RASGEF1B: variants seen among roughly 807,000 people sequenced by gnomAD.
RASGEF1B encodes the protein ras-GEF domain-containing family member 1B.
In RASGEF1B, 30 loss-of-function variants were observed where a neutral mutation model predicts 65.7. That is an observed-to-expected ratio of 0.46 (90% confidence interval 0.34 to 0.62). RASGEF1B has a LOEUF of 0.62. RASGEF1B is among the 20% of genes least tolerant of loss of function. The pLI is 0.01. For synonymous variants in RASGEF1B, 175 were observed against 194.8 expected (o/e 0.90, Z 0.85); for missense variants, 495 against 580.1 (o/e 0.85, Z 1.51).
intron 4 of RASGEF1B, chr4:81,456,226 T>C: frequency 4.4e-6 from 2 of 458,974 alleles, no homozygotes; most frequent in East Asian, 3.8e-5. Flanking sequence ...TTTCTATTTA[T>C]GATTTATTAA....
chr4:81,435,333 C>T (rs559622672), intron 10 of RASGEF1B, among the ~76,000 whole-genome samples: 1 of 148,316 alleles, frequency 6.7e-6, no homozygotes, highest in African/African-American at 2.5e-5. Flanking sequence ...ATGGCGTGAA[C>T]CCGGGAAGCG....
chr4:81,433,659 A>T (rs1721511190), intron 12 of RASGEF1B, among the ~76,000 whole-genome samples, 181 bp downstream of exon 12: 1 of 152,234 alleles, frequency 6.6e-6, no homozygotes, highest in Non-Finnish European at 1.5e-5. Context: ...TTTATAGGTG[A>T]ATATTAAGTG....
At chr4:81,432,703 T>A (rs1439364470) in intron 12 of RASGEF1B, among the ~76,000 whole-genome samples, 2 of 150,020 alleles carry the variant, frequency 1.3e-5, no homozygotes, top group African/African-American at 5.1e-5. Flanking sequence ...GGGGTGGGAG[T>A]TCTTTCCTGG....
chr4:81,433,098 G>A (rs904615454), intron 12 of RASGEF1B, among the ~76,000 whole-genome samples: 31 of 151,534 alleles, frequency 2.0e-4, no homozygotes, highest in Admixed American at 5.3e-4. Flanking sequence ...GCATGGTGGT[G>A]CACGCCCGTA....
chr4:81,431,924 CTTCT>C (rs1721444808), intron 13 of RASGEF1B, among the ~76,000 whole-genome samples: 1 of 152,310 alleles, frequency 6.6e-6, no homozygotes, highest in East Asian at 1.9e-4. Context: ...CCTACTAGTA[CTTCT>C]TTCTTTATCT....
chr4:81,447,586 A>G lies in RASGEF1B; in HGVS notation c.655-8T>C. ...AATATAATTGAGCCTCTCCTGAAAC[A>G]CAAACCCAGAAGGTCAACAGTATTA... On this transcript the variant is annotated splice_polypyrimidine_tract_variant and splice_region_variant and intron_variant, in intron 5 of 13. Coordinates refer to ENST00000264400, the MANE Select transcript of RASGEF1B (RefSeq NM_152545.3). The G allele has an allele frequency of 6.2e-7, 1 of 1,612,038 alleles. No individual in the cohort carries two copies. Among genetic ancestry groups the G allele is most frequent in the Non-Finnish European group, 8.5e-7 (1 of 1,178,136 alleles).
intron 1 of RASGEF1B, among the ~76,000 whole-genome samples, chr4:81,467,129 A>C (rs1722867892): frequency 6.6e-6 from 1 of 151,792 alleles, no homozygotes; most frequent in Non-Finnish European, 1.5e-5. Flanking sequence ...GGAAAAAAAA[A>C]TCAGTATTTT....
At chr4:81,437,509 C>G (rs1349496072) in intron 10 of RASGEF1B, among the ~76,000 whole-genome samples, 3 of 152,122 alleles carry the variant, frequency 2.0e-5, no homozygotes, top group African/African-American at 7.2e-5. Flanking sequence ...TTTTTGTGCT[C>G]TATTCTTTGG....
chr4:81,456,419 T>G, intron 4 of RASGEF1B: 1 of 638,814 alleles, frequency 1.6e-6, no homozygotes. Context: ...TGAGTTGACA[T>G]GAACATAGCC....
At chr4:81,459,651 G>T in intron 1 of RASGEF1B, 137 bp from the exon 2 acceptor site, 1 of 687,972 alleles carries the variant, frequency 1.5e-6, no homozygotes, top group Non-Finnish European at 2.3e-6. Context: ...TTCTGACACA[G>T]AATCAGAGCC....
chr4:81,456,237 TCTA>T (rs1722436017), intron 4 of RASGEF1B: 3 of 481,350 alleles, frequency 6.2e-6, no homozygotes, highest in Admixed American at 3.9e-5. Flanking sequence ...GATTTATTAA[TCTA>T]CTATTTATCC....
intron 1 of RASGEF1B, among the ~76,000 whole-genome samples, chr4:81,470,843 A>C (rs2110003818): frequency 6.6e-6 from 1 of 152,142 alleles, no homozygotes; most frequent in South Asian, 2.1e-4. Context: ...AACTGCGCCG[A>C]TTTGGTTGGG....
intron 13 of RASGEF1B, among the ~76,000 whole-genome samples, chr4:81,428,529 A>G (rs1182909596): frequency 6.6e-6 from 1 of 152,244 alleles, no homozygotes; most frequent in Non-Finnish European, 1.5e-5. Flanking sequence ...CATTTACATT[A>G]TATTAGATAT....
chr4:81,448,004 A>G, intron 5 of RASGEF1B, 65 bp downstream of exon 5: 1 of 1,338,706 alleles, frequency 7.5e-7, no homozygotes, highest in Non-Finnish European at 1.1e-6. Flanking sequence ...TGACAAATAT[A>G]TCGTCTGGTT....
intron 2 of RASGEF1B, among the ~76,000 whole-genome samples, chr4:81,458,433 T>C (rs1406630240): frequency 6.6e-6 from 1 of 152,206 alleles, no homozygotes; most frequent in Non-Finnish European, 1.5e-5. Context: ...GAAAATGCCA[T>C]GTAACAATAC....
At chr4:81,451,932 G>A (rs1722275062) in intron 4 of RASGEF1B, 2 of 152,126 alleles carry the variant, frequency 1.3e-5, no homozygotes, top group African/African-American at 4.8e-5. Flanking sequence ...GTACCTGCTG[G>A]GAAGCAATGA....
intron 1 of RASGEF1B, among the ~76,000 whole-genome samples, chr4:81,467,316 T>C (rs759772209): frequency 6.6e-6 from 1 of 152,242 alleles, no homozygotes; most frequent in Non-Finnish European, 1.5e-5. Context: ...AATAGTTTAC[T>C]ATCTTTGGTT....
intron 10 of RASGEF1B, among the ~76,000 whole-genome samples, chr4:81,435,562 C>T (rs1240591866): frequency 7.0e-6 from 1 of 142,572 alleles, no homozygotes; most frequent in Non-Finnish European, 1.5e-5. Flanking sequence ...TCCACCTCCC[C>T]AGTTCATGCC....
At position 81,436,400 on chromosome 4, in the gene RASGEF1B, A is replaced by T. The variant is rs149515452; in HGVS notation, c.1105-1666T>A. 2.3e-3 allele frequency among the ~76,000 whole-genome samples: 344 copies of T among 152,362 alleles called. 5 individuals carry two copies. Among genetic ancestry groups the T allele is most frequent in the South Asian group, 7.5e-3 (36 of 4,830 alleles). On this transcript the variant is annotated intron_variant, in intron 10 of 13. Coordinates refer to ENST00000264400, the MANE Select transcript of RASGEF1B (RefSeq NM_152545.3). ...AATATGAATGTATAAATTAAAATTA[A>T]TAGCTGTTTAAAAACAATAAACCTT...
Sources: allele counts gnomAD v4.1 joint callset (sites outside exome capture counted in the v4.1 genomes callset), GRCh38; gene constraint gnomAD v4.1.1; transcripts MANE v1.5; gene names NCBI Gene and HGNC (gene_info 2026-07-23, HGNC 2026-07-21).